CLIC5: variants seen among roughly 807,000 people sequenced by gnomAD.
CLIC5 encodes chloride intracellular channel protein 5.
Under a neutral mutation model 24.7 loss-of-function variants are expected in CLIC5, and 20 were observed. That is an observed-to-expected ratio of 0.81 (90% CI 0.57 to 1.18). CLIC5 has a LOEUF of 1.18. Among genes scored for constraint, CLIC5 ranks in the 50% most tolerant of loss-of-function variants. The probability of loss-of-function intolerance (pLI) is 0.00; values close to 1 mark genes in which losing one functional copy is unlikely to be tolerated. For missense variants in CLIC5, 341 were observed against 326.1 expected (o/e 1.05, Z -0.35); for synonymous variants, 159 against 135.6 (o/e 1.17, Z -1.20).
intron 6 of CLIC5, among the ~76,000 whole-genome samples, chr6:45,892,872 T>C (rs1762364988): frequency 6.6e-6 from 1 of 152,206 alleles, no homozygotes. Flanking sequence ...CAAGTTGGCT[T>C]TCTGCCTTGA....
At chr6:45,959,677 T>G (rs1764784297) in intron 1 of CLIC5, among the ~76,000 whole-genome samples, 1 of 152,232 alleles carries the variant, frequency 6.6e-6, no homozygotes, top group African/African-American at 2.4e-5. Context: ...GTAAGCATGG[T>G]GTGTCAGCCA....
intron 4 of CLIC5, among the ~76,000 whole-genome samples, chr6:45,925,895 A>G (rs1451852644): frequency 6.6e-6 from 1 of 152,222 alleles, no homozygotes; most frequent in Non-Finnish European, 1.5e-5. Context: ...CTTTGTTATC[A>G]GAGCCAAGAG....
At chr6:45,912,390 G>A in intron 5 of CLIC5, 1 of 1,093,408 alleles carries the variant, frequency 9.1e-7, no homozygotes, top group Non-Finnish European at 1.1e-6. Flanking sequence ...TAAGGCAGGT[G>A]GGAATTGAGG....
At chr6:45,930,592 G>A (rs892550599) in intron 4 of CLIC5, among the ~76,000 whole-genome samples, 4 of 152,308 alleles carry the variant, frequency 2.6e-5, no homozygotes, top group East Asian at 3.9e-4. Flanking sequence ...AGCTGGCTCT[G>A]GCGACGATTC....
intron 4 of CLIC5, among the ~76,000 whole-genome samples, chr6:45,936,738 A>G (rs1377841385): frequency 2.0e-5 from 3 of 152,162 alleles, no homozygotes; most frequent in African/African-American, 4.8e-5. Context: ...CTCTCTGCAT[A>G]GGAAACACAG....
upstream of CLIC5, chr6:46,015,880 C>G: frequency 9.5e-7 from 1 of 1,052,882 alleles, no homozygotes; most frequent in Non-Finnish European, 1.1e-6. Context: ...GCCGCCAACG[C>G]GCCCAAAATA....
chr6:45,984,411 A>G (rs1304447317), intron 1 of CLIC5, among the ~76,000 whole-genome samples: 2 of 152,142 alleles, frequency 1.3e-5, no homozygotes, highest in East Asian at 3.9e-4. Flanking sequence ...CCAGCTTGAC[A>G]TTGACTTCTA....
intron 1 of CLIC5, among the ~76,000 whole-genome samples, chr6:45,976,949 T>C (rs529232052): frequency 6.6e-6 from 1 of 152,350 alleles, no homozygotes; most frequent in East Asian, 1.9e-4. Context: ...TGTCTTCCCA[T>C]GTTTGGTTGA....
At chr6:46,061,475 G>A (rs1232506010) in intron 1 of CLIC5, among the ~76,000 whole-genome samples, 2 of 152,230 alleles carry the variant, frequency 1.3e-5, no homozygotes, top group African/African-American at 4.8e-5. Flanking sequence ...ACAGGCGTGA[G>A]CCACCACGCC....
chr6:45,989,301 G>C (rs866736298), intron 1 of CLIC5, among the ~76,000 whole-genome samples: 37 of 152,208 alleles, frequency 2.4e-4, no homozygotes, highest in African/African-American at 8.9e-4. Flanking sequence ...CTGACAATTA[G>C]CCTCAGCATC....
chr6:45,974,824 G>A (rs548677116), intron 1 of CLIC5, among the ~76,000 whole-genome samples: 1 of 152,062 alleles, frequency 6.6e-6, no homozygotes, highest in South Asian at 2.1e-4. Flanking sequence ...GCAGGCTCTG[G>A]GACACCACAC....
intron 1 of CLIC5, among the ~76,000 whole-genome samples, chr6:45,959,583 G>T (rs1199657769): frequency 3.3e-5 from 5 of 152,046 alleles, no homozygotes; most frequent in Admixed American, 2.0e-4. Flanking sequence ...CTGTCATCCA[G>T]GCTGGAGTGC....
At chr6:46,108,390 G>C in the CLIC5 span, among the ~76,000 whole-genome samples, 4 of 145,148 alleles carry the variant, frequency 2.8e-5, no homozygotes, top group Non-Finnish European at 6.1e-5. Flanking sequence ...GTGTGTGTGT[G>C]TGTGTGTGTG....
intron 1 of CLIC5, among the ~76,000 whole-genome samples, chr6:46,058,755 G>A (rs1004911474): frequency 3.3e-5 from 5 of 152,142 alleles, no homozygotes; most frequent in Middle Eastern, 3.4e-3. Context: ...AAGGCTCAAC[G>A]GTGGAAGAAA....
At chr6:45,968,641 G>A (rs904291052) in intron 1 of CLIC5, among the ~76,000 whole-genome samples, 1 of 152,168 alleles carries the variant, frequency 6.6e-6, no homozygotes, top group Non-Finnish European at 1.5e-5. Context: ...CTTCAAGGCT[G>A]GTTGGAAGGG....
intron 1 of CLIC5, among the ~76,000 whole-genome samples, chr6:46,022,202 A>G (rs554723189): frequency 1.3e-5 from 2 of 152,358 alleles, no homozygotes; most frequent in African/African-American, 4.8e-5. Flanking sequence ...ATGAAATGAC[A>G]TGTACTGTAA....
intron 4 of CLIC5, among the ~76,000 whole-genome samples, chr6:45,925,446 A>C (rs926149436): frequency 6.6e-6 from 1 of 151,778 alleles, no homozygotes; most frequent in Non-Finnish European, 1.5e-5. Flanking sequence ...CCTCCCAAGT[A>C]GCTGGGACTA....
upstream of CLIC5, among the ~76,000 whole-genome samples, chr6:46,080,785 C>T (rs1223937935): frequency 6.6e-6 from 1 of 152,088 alleles, no homozygotes; most frequent in Non-Finnish European, 1.5e-5. Flanking sequence ...AATTACATGC[C>T]CTGGTTAGGT....
chr6:46,060,118 A>G (rs1424576209), intron 1 of CLIC5, among the ~76,000 whole-genome samples: 2 of 152,184 alleles, frequency 1.3e-5, no homozygotes, highest in Non-Finnish European at 2.9e-5. Context: ...ACATCTTTCT[A>G]AACCAAATAG....
Sources: allele counts gnomAD v4.1 joint callset (sites outside exome capture counted in the v4.1 genomes callset), GRCh38; gene constraint gnomAD v4.1.1; transcripts MANE v1.5; gene names NCBI Gene and HGNC (gene_info 2026-07-23, HGNC 2026-07-21).